ASCC1: variants seen among roughly 807,000 people sequenced by gnomAD.
ASCC1 encodes activating signal cointegrator 1 complex subunit 1.
Under a neutral mutation model 46.6 loss-of-function variants are expected in ASCC1, and 35 were observed. The observed-to-expected ratio is 0.75, with a 90% CI of 0.57 to 0.99. ASCC1 has a LOEUF of 0.99. ASCC1 is among the 50% of genes least tolerant of loss of function. The pLI, the probability that ASCC1 is intolerant of heterozygous loss-of-function variation, is 0.00. For missense variants in ASCC1, 376 were observed against 428.7 expected, an observed-to-expected ratio of 0.88 and a Z score of 1.09; for synonymous variants, 143 against 146.6, an observed-to-expected ratio of 0.98 and a Z score of 0.18.
intron 3 of ASCC1, among the ~76,000 whole-genome samples, chr10:72,209,706 C>T (rs1304483544): frequency 6.6e-6 from 1 of 152,206 alleles, no homozygotes; most frequent in Non-Finnish European, 1.5e-5. Flanking sequence ...ATGGCTTGAA[C>T]CCTGAGGGCG....
chr10:72,136,041 G>A (rs1401263047), intron 7 of ASCC1, among the ~76,000 whole-genome samples: 1 of 152,030 alleles, frequency 6.6e-6, no homozygotes, highest in Non-Finnish European at 1.5e-5. Flanking sequence ...CTTTTTTTAA[G>A]AGACATGATC....
Position 72,133,149 on chromosome 10 carries a change from C to T in ASCC1, c.779G>A (p.Arg260His), listed in dbSNP as rs771359121. The part of the protein sequence containing the change: ...LQELVDRVLE[R>H]FQASGLIVKE... ...CACTATTAGTCCAGATGCCTGAAAACGTTCCAGCACTCGATCAACTAATTC... is the reference window on the plus strand; with the variant it reads ...CACTATTAGTCCAGATGCCTGAAAATGTTCCAGCACTCGATCAACTAATTC... The change falls in exon 8 of 10, where the codon CGT (arginine) becomes CAT (histidine). Residue 260 changes from arginine (R) to histidine (H), a missense_variant. Coordinates refer to ENST00000672957, the MANE Select transcript of ASCC1 (RefSeq NM_001198800.3). 1.5e-5 allele frequency: 24 copies of T among 1,613,928 alleles called. 1 individual carries two copies. The highest frequency in any genetic ancestry group is 4.5e-5 in the East Asian group (2 of 44,896).
At chr10:72,122,006 A>C (rs1461185180) in intron 9 of ASCC1, among the ~76,000 whole-genome samples, 1 of 152,234 alleles carries the variant, frequency 6.6e-6, no homozygotes, top group Non-Finnish European at 1.5e-5. Flanking sequence ...GGGCCATAAA[A>C]TACGCTGTAA....
intron 5 of ASCC1, among the ~76,000 whole-genome samples, chr10:72,165,278 G>A (rs375077384): frequency 9.2e-5 from 14 of 152,180 alleles, no homozygotes; most frequent in African/African-American, 2.2e-4. Context: ...CACCATGCCC[G>A]CCTAATTTTA....
At chr10:72,151,758 G>A (rs892436530) in intron 7 of ASCC1, among the ~76,000 whole-genome samples, 1 of 151,034 alleles carries the variant, frequency 6.6e-6, no homozygotes, top group Non-Finnish European at 1.5e-5. Context: ...GCACCATCTC[G>A]GCTCACTGCA....
At chr10:72,107,302 A>ACC (rs143451737) in intron 9 of ASCC1, among the ~76,000 whole-genome samples, 1,669 of 142,362 alleles carry the variant, frequency 0.012, 14 homozygotes, top group Middle Eastern at 0.024. Flanking sequence ...CAAATAAGTT[A>ACC]CCCCCCCCCC....
intron 5 of ASCC1, among the ~76,000 whole-genome samples, chr10:72,187,719 C>CATA (rs1853694461): frequency 2.8e-5 from 1 of 35,220 alleles, no homozygotes; most frequent in African/African-American, 1.1e-4. Flanking sequence ...GAATCCGTCT[C>CATA]AAAAAAAAAA....
At chr10:72,154,377 G>A (rs1848707472) in intron 6 of ASCC1, among the ~76,000 whole-genome samples, 1 of 151,956 alleles carries the variant, frequency 6.6e-6, no homozygotes, top group Admixed American at 6.6e-5. Flanking sequence ...GACCACACCT[G>A]AACCCACTGA....
In ASCC1 at chr10:72,208,316, A is replaced by AT. The variant is rs10708653; in HGVS notation, c.212+2415dup. On this transcript the variant is annotated intron_variant, in intron 3 of 9. Transcript: ENST00000672957. ...ATTCACACCAAGACCTGTTACACTG[A>AT]TTTTTTTTTTTTTTTTCCAGGAAAC... Among the ~76,000 whole-genome samples the AT allele has an allele frequency of 7.7e-3, 1,112 of 143,598 alleles. 5 individuals carry two copies. The highest frequency in any genetic ancestry group is 0.015 in the South Asian group (70 of 4,518). The allele number at this position is 143,598 out of a possible 152,430, so 94.2% of individuals were successfully genotyped here.
chr10:72,165,068 CATTA>C (rs1176678655), intron 5 of ASCC1, among the ~76,000 whole-genome samples: 4 of 152,024 alleles, frequency 2.6e-5, no homozygotes, highest in African/African-American at 9.7e-5. Context: ...TCTCAAATTT[CATTA>C]ATCTCATTCT....
At chr10:72,155,959 G>A (rs1304655928) in intron 6 of ASCC1, among the ~76,000 whole-genome samples, 1 of 152,226 alleles carries the variant, frequency 6.6e-6, no homozygotes, top group Non-Finnish European at 1.5e-5. Context: ...TTTTAAGGGG[G>A]AAGCTGTTCT....
At chr10:72,214,985 T>C (rs560735655) in intron 1 of ASCC1, among the ~76,000 whole-genome samples, 5 of 152,230 alleles carry the variant, frequency 3.3e-5, no homozygotes, top group Non-Finnish European at 7.3e-5. Flanking sequence ...AAACAAAGGT[T>C]CCTTACAGGC....
chr10:72,211,433 A>C (rs1858092161), intron 2 of ASCC1, among the ~76,000 whole-genome samples: 1 of 152,128 alleles, frequency 6.6e-6, no homozygotes, highest in East Asian at 1.9e-4. Context: ...CCTCATCTCT[A>C]CAAAGATTAG....
chr10:72,159,168 G>A (rs185046513), intron 6 of ASCC1: 7 of 152,126 alleles, frequency 4.6e-5, no homozygotes, highest in African/African-American at 9.6e-5. Flanking sequence ...TTTTTGGCAG[G>A]GTAACTTTGT....
Position 72,210,962 on chromosome 10 carries a change from T to C in ASCC1, c.113-131A>G, listed in dbSNP as rs546451816. On this transcript the variant is annotated intron_variant, in intron 2 of 9. Transcript: ENST00000672957. ...AGGCATAAAGAACAGCCGGACACTG[T>C]ACATTCCATGACACTGCTCTGATAC... The C allele has an allele frequency of 3.2e-5, 25 of 772,584 alleles. No individual in the cohort carries two copies. The African/African-American group carries it at 3.2e-4, about 10-fold the overall frequency. The allele number at this position is 772,584 out of a possible 1,614,324, so 47.9% of individuals were successfully genotyped here.
chr10:72,207,221 G>A (rs1429821150), intron 3 of ASCC1, among the ~76,000 whole-genome samples: 3 of 152,248 alleles, frequency 2.0e-5, no homozygotes, highest in African/African-American at 4.8e-5. Flanking sequence ...AGACCAGCCT[G>A]ACCAACATGG....
intron 1 of ASCC1, among the ~76,000 whole-genome samples, chr10:72,213,682 A>G (rs1466136995): frequency 1.3e-5 from 2 of 150,258 alleles, no homozygotes; most frequent in African/African-American, 2.4e-5. Context: ...CCAAGGTGGG[A>G]GGATTGGTTG....
chr10:72,122,765 G>A lies in ASCC1; in HGVS notation c.957+5317C>T, dbSNP rs549553935. On this transcript the variant is annotated intron_variant, in intron 9 of 9. Coordinates refer to ENST00000672957, the MANE Select transcript of ASCC1 (RefSeq NM_001198800.3). The stretch of plus-strand genomic sequence containing the variant: ...TGCACTCCAGCCTGGGTGACAGAGC[G>A]ATGAGGCCCTATACCTAAAGAAATT... Among the ~76,000 whole-genome samples the A allele has an allele frequency of 2.6e-3, 389 of 151,308 alleles. 3 individuals carry two copies. The highest frequency in any genetic ancestry group is 8.7e-3 in the African/African-American group (359 of 41,218).
intron 9 of ASCC1, among the ~76,000 whole-genome samples, chr10:72,126,414 G>A (rs1844868529): frequency 6.6e-6 from 1 of 152,176 alleles, no homozygotes. Context: ...CACTGGGGTG[G>A]TTCAGAAGAT....
Sources: gnomAD v4.1 joint callset for allele counts (sites outside exome capture counted in the v4.1 genomes callset) on GRCh38, gnomAD v4.1.1 for gene constraint, MANE v1.5 for transcripts, NCBI Gene and HGNC (gene_info 2026-07-23, HGNC 2026-07-21) for gene names.